KCNT2: variants seen among roughly 807,000 people sequenced by gnomAD.
KCNT2 encodes the protein potassium sodium-activated channel subfamily T member 2.
KCNT2 carries 67 observed loss-of-function variants against 153.8 expected under a neutral mutation model. The observed-to-expected ratio is 0.44, with a 90% CI of 0.36 to 0.53. KCNT2 has a LOEUF of 0.53. Among genes scored for constraint, KCNT2 ranks in the 20% least tolerant of loss-of-function variants. The probability of loss-of-function intolerance (pLI) is 0.00; values close to 1 mark genes in which losing one functional copy is unlikely to be tolerated. For synonymous variants in KCNT2, 500 were observed against 458.8 expected (o/e 1.09, Z -1.15); for missense variants, 975 against 1,354.8 (o/e 0.72, Z 4.40).
intron 26 of KCNT2, among the ~76,000 whole-genome samples, chr1:196,245,027 T>C (rs1390896294): frequency 6.6e-6 from 1 of 151,768 alleles, no homozygotes; most frequent in Non-Finnish European, 1.5e-5. Context: ...TGGGAGAAAA[T>C]AAAGAAAAAG....
chr1:196,500,076 G>A (rs1033510873), intron 1 of KCNT2, among the ~76,000 whole-genome samples: 5 of 151,582 alleles, frequency 3.3e-5, no homozygotes, highest in African/African-American at 1.2e-4. Context: ...CTTGGGAGGT[G>A]GAGATTGCAG....
chr1:196,316,262 G>A (rs1044245303), intron 20 of KCNT2, among the ~76,000 whole-genome samples: 2 of 151,600 alleles, frequency 1.3e-5, no homozygotes, highest in Non-Finnish European at 3.0e-5. Context: ...TTCAAAATAT[G>A]TGTGTTAAAA....
At chr1:196,313,803 T>G (rs1471591697) in intron 21 of KCNT2, among the ~76,000 whole-genome samples, 2 of 151,678 alleles carry the variant, frequency 1.3e-5, no homozygotes, top group Non-Finnish European at 3.0e-5. Context: ...GGGTTTTTAA[T>G]AGTTCTTTTG....
intron 26 of KCNT2, among the ~76,000 whole-genome samples, chr1:196,242,989 G>A (rs1271608398): frequency 6.6e-6 from 1 of 152,124 alleles, no homozygotes; most frequent in African/African-American, 2.4e-5. Flanking sequence ...CAAATGCATA[G>A]TGTGGCAACT....
At chr1:196,502,949 GC>G (rs909944169) in intron 1 of KCNT2, among the ~76,000 whole-genome samples, 1 of 151,782 alleles carries the variant, frequency 6.6e-6, no homozygotes, top group Non-Finnish European at 1.5e-5. Flanking sequence ...CCCTCTTCAT[GC>G]CCCCTGCCCA....
intron 21 of KCNT2, among the ~76,000 whole-genome samples, chr1:196,306,485 AGAC>A (rs1278722279): frequency 3.3e-5 from 5 of 152,106 alleles, no homozygotes; most frequent in Non-Finnish European, 7.4e-5. Context: ...CCAGCATTAC[AGAC>A]GAGTTTTTAC....
In KCNT2 at chr1:196,330,093, G is replaced by T. The variant is rs368254721; in HGVS notation, c.2103+1063C>A. 8.7e-5 allele frequency among the ~76,000 whole-genome samples: 13 copies of T among 149,314 alleles called. No individual in the cohort carries two copies. In the East Asian group the frequency reaches 1.4e-3, roughly 16 times the overall value. ...GGGTCAGAATCATCCATCTCAATGG[G>T]CCCAGATGAATATTTCAGAGTAATG... On this transcript the variant is annotated intron_variant, in intron 18 of 27. Transcript: ENST00000294725.
chr1:196,305,120 T>G, intron 22 of KCNT2, 114 bp downstream of exon 22: 2 of 670,586 alleles, frequency 3.0e-6, no homozygotes, highest in Non-Finnish European at 5.3e-6. Context: ...CAAATAAAAA[T>G]TCAAAACAGC....
intron 21 of KCNT2, among the ~76,000 whole-genome samples, chr1:196,314,106 CTCAG>C (rs1363271072): frequency 5.9e-5 from 9 of 151,452 alleles, no homozygotes; most frequent in Non-Finnish European, 1.3e-4. Context: ...CTTTGAACCT[CTCAG>C]TAAGATGGGG....
intron 22 of KCNT2, among the ~76,000 whole-genome samples, chr1:196,290,457 C>G (rs905609285): frequency 3.3e-5 from 5 of 151,938 alleles, no homozygotes; most frequent in Non-Finnish European, 7.4e-5. Context: ...TTATGGCTCT[C>G]TAAGCCTTAC....
chr1:196,259,536 G>T (rs998293955), intron 25 of KCNT2: 1 of 152,004 alleles, frequency 6.6e-6, no homozygotes, highest in East Asian at 1.9e-4. Flanking sequence ...TTGAACTTCA[G>T]TTATAGCATG....
At chr1:196,476,731 T>A (rs898862653) in intron 5 of KCNT2, among the ~76,000 whole-genome samples, 1 of 152,172 alleles carries the variant, frequency 6.6e-6, no homozygotes, top group African/African-American at 2.4e-5. Context: ...TTATAAACTT[T>A]CCTATAATAT....
chr1:196,491,321 C>A (rs1679844541), intron 2 of KCNT2, among the ~76,000 whole-genome samples: 1 of 151,984 alleles, frequency 6.6e-6, no homozygotes, highest in Non-Finnish European at 1.5e-5. Context: ...GCCAGCCTGT[C>A]ATTAAGACTA....
intron 26 of KCNT2, among the ~76,000 whole-genome samples, chr1:196,237,625 C>T (rs894239331): frequency 1.3e-5 from 2 of 151,732 alleles, no homozygotes; most frequent in African/African-American, 2.4e-5. Context: ...AGTACAATGG[C>T]TTGATCATAT....
chr1:196,266,011 C>A lies in KCNT2; in HGVS notation c.2911-7517G>T, dbSNP rs537284414. Reference sequence around the variant, plus strand: ...ACAAACAAACAAAAAACAGCACCAGCCCCAACAACAAAAACAAAACTGGAT... The same window carrying A: ...ACAAACAAACAAAAAACAGCACCAGACCCAACAACAAAAACAAAACTGGAT... On this transcript the variant is annotated intron_variant, in intron 25 of 27. Transcript: ENST00000294725. 1.2e-4 allele frequency among the ~76,000 whole-genome samples: 18 copies of A among 152,144 alleles called. 1 individual carries two copies. The East Asian group carries it at 3.1e-3, about 26-fold the overall frequency.
intron 8 of KCNT2, among the ~76,000 whole-genome samples, chr1:196,460,811 A>G (rs1440453239): frequency 2.0e-5 from 3 of 151,726 alleles, no homozygotes; most frequent in East Asian, 1.9e-4. Flanking sequence ...TGAATATTAC[A>G]TATAATTATA....
Position 196,565,422 on chromosome 1 carries a change from T to A in KCNT2, c.95+42793A>T, listed in dbSNP as rs1309976361. Among the ~76,000 whole-genome samples, 3 of 151,688 alleles carry A rather than the reference T, an allele frequency of 2.0e-5. No individual in the cohort carries two copies. The East Asian group carries it at 5.8e-4, about 29-fold the overall frequency. ...ATAAAAAAATAGAACTGCCGTGTCA[T>A]CCCATTGCTGGGTATACATCCAAAG... On this transcript the variant is annotated intron_variant, in intron 1 of 27. Coordinates refer to ENST00000294725, the MANE Select transcript of KCNT2 (RefSeq NM_198503.5).
chr1:196,554,740 A>C (rs1394618312), intron 1 of KCNT2, among the ~76,000 whole-genome samples: 1 of 151,406 alleles, frequency 6.6e-6, no homozygotes, highest in East Asian at 1.9e-4. Flanking sequence ...AATCCTACAC[A>C]AAATACTAGC....
chr1:196,579,529 T>C (rs2148971166), intron 1 of KCNT2, among the ~76,000 whole-genome samples: 1 of 152,184 alleles, frequency 6.6e-6, no homozygotes, highest in South Asian at 2.1e-4. Context: ...AGTCTCACTT[T>C]GTCACCCAGG....
Sources: gnomAD v4.1 joint callset for allele counts (sites outside exome capture counted in the v4.1 genomes callset) on GRCh38, gnomAD v4.1.1 for gene constraint, MANE v1.5 for transcripts, NCBI Gene and HGNC (gene_info 2026-07-23, HGNC 2026-07-21) for gene names.